The following EIF4EBP1 variants were observed in gnomAD, a reference collection of about 807,000 sequenced individuals.
The protein encoded by EIF4EBP1 is eukaryotic translation initiation factor 4E-binding protein 1.
A neutral mutation model predicts 9.2 loss-of-function variants in EIF4EBP1; 5 were observed. The ratio of observed to expected loss-of-function variants is 0.54; its 90% CI spans 0.28 to 1.14. The LOEUF (loss-of-function observed/expected upper bound fraction) is 1.14. Ranked by LOEUF, EIF4EBP1 falls within the 50% of genes most tolerant of loss-of-function variation. The pLI is 0.09. For missense variants in EIF4EBP1, 139 were observed against 169.6 expected, an observed-to-expected ratio of 0.82 and a Z score of 1.00; for synonymous variants, 62 against 67.0, an observed-to-expected ratio of 0.93 and a Z score of 0.36.
At chr8:38,039,100 C>A (rs1416092225) in intron 1 of EIF4EBP1, among the ~76,000 whole-genome samples, 3 of 151,976 alleles carry the variant, frequency 2.0e-5, no homozygotes, top group African/African-American at 7.2e-5. Context: ...CTATATTGGT[C>A]AGGCTGGTCT....
intron 1 of EIF4EBP1, among the ~76,000 whole-genome samples, chr8:38,037,532 C>G (rs1809321146): frequency 6.6e-6 from 1 of 151,896 alleles, no homozygotes; most frequent in African/African-American, 2.4e-5. Context: ...CCAGGATGGT[C>G]TCAATCTCCT....
chr8:38,056,962 C>T, intron 1 of EIF4EBP1, 119 bp from the exon 2 acceptor site: 1 of 1,071,550 alleles, frequency 9.3e-7, no homozygotes, highest in Non-Finnish European at 1.4e-6. Flanking sequence ...CGCACCCAGC[C>T]TCCTCTGGGT....
At chr8:38,041,294 G>T (rs1287897558) in intron 1 of EIF4EBP1, among the ~76,000 whole-genome samples, 1 of 152,084 alleles carries the variant, frequency 6.6e-6, no homozygotes, top group African/African-American at 2.4e-5. Context: ...TAGAGGCGGG[G>T]GTCTCACCAT....
At chr8:38,032,890 C>T (rs1383493992) in intron 1 of EIF4EBP1, among the ~76,000 whole-genome samples, 1 of 152,024 alleles carries the variant, frequency 6.6e-6, no homozygotes, top group Non-Finnish European at 1.5e-5. Context: ...GCAGAGAAGC[C>T]AAAATGGTCA....
In EIF4EBP1 at chr8:38,057,273, G is replaced by C. The variant is rs772135401; in HGVS notation, c.325+13G>C. ...AAGCGGGCGGGCGGTGAGTGTCGGG[G>C]CTTGGCCAGGCTCTACCTTGGGAAA... On this transcript the variant is annotated intron_variant, in intron 2 of 2. Transcript: ENST00000338825. 5 of 1,479,278 alleles carry C rather than the reference G, an allele frequency of 3.4e-6. No homozygotes were observed. The South Asian group carries it at 5.3e-5, about 16-fold the overall frequency. The allele number at this position is 1,479,278 out of a possible 1,614,324, so 91.6% of individuals were successfully genotyped here. A position where few individuals can be genotyped will look rare whatever the true frequency, so the allele number is the denominator to read the frequency against.
intron 1 of EIF4EBP1, among the ~76,000 whole-genome samples, chr8:38,036,912 A>T (rs1397332199): frequency 7.9e-5 from 12 of 151,724 alleles, no homozygotes; most frequent in Admixed American, 6.6e-5. Flanking sequence ...GACCTCCCAA[A>T]GTTCTGGGAT....
intron 1 of EIF4EBP1, among the ~76,000 whole-genome samples, chr8:38,054,998 C>T (rs1396546513): frequency 6.6e-6 from 1 of 152,114 alleles, no homozygotes; most frequent in Non-Finnish European, 1.5e-5. Flanking sequence ...AACAGCTGTG[C>T]GCTGGAGTCC....
At chr8:38,037,903 A>T (rs1454197095) in intron 1 of EIF4EBP1, among the ~76,000 whole-genome samples, 2 of 151,850 alleles carry the variant, frequency 1.3e-5, no homozygotes, top group Non-Finnish European at 2.9e-5. Context: ...CCTCTCCAGT[A>T]GCTGGGACTA....
intron 1 of EIF4EBP1, among the ~76,000 whole-genome samples, chr8:38,044,394 G>T (rs1809423722): frequency 6.6e-6 from 1 of 152,102 alleles, no homozygotes; most frequent in Non-Finnish European, 1.5e-5. Context: ...AATTTTTCCA[G>T]CTGAGAGTGT....
Position 38,036,316 on chromosome 8 carries a change from T to G in EIF4EBP1, c.145+5598T>G, listed in dbSNP as rs568543541. On this transcript the variant is annotated intron_variant, in intron 1 of 2. Transcript: ENST00000338825. ...CTGAGGTCAGGAGTTCAAGACCAGC[T>G]TGGCCAACATGGTGAAACCCCATCT... Among the ~76,000 whole-genome samples, 45 of 151,804 alleles carry G rather than the reference T, an allele frequency of 3.0e-4. No homozygotes were observed. In the Middle Eastern group the frequency reaches 0.014, roughly 46 times the overall value.
intron 1 of EIF4EBP1, among the ~76,000 whole-genome samples, chr8:38,043,902 C>T (rs1045249047): frequency 1.3e-5 from 2 of 152,054 alleles, no homozygotes; most frequent in Non-Finnish European, 2.9e-5. Context: ...TTAAATAGAC[C>T]ATCCAGCCAG....
At chr8:38,038,831 T>G (rs1809337381) in intron 1 of EIF4EBP1, among the ~76,000 whole-genome samples, 1 of 151,822 alleles carries the variant, frequency 6.6e-6, no homozygotes, top group South Asian at 2.1e-4. Context: ...CCCGAGACCC[T>G]CAGGCCACAT....
At chr8:38,032,634 G>A (rs910881687) in intron 1 of EIF4EBP1, among the ~76,000 whole-genome samples, 2 of 152,222 alleles carry the variant, frequency 1.3e-5, no homozygotes, top group African/African-American at 4.8e-5. Context: ...GCAGTAGGGG[G>A]AGTGGGGAAG....
chr8:38,054,944 G>A (rs927071487), intron 1 of EIF4EBP1, among the ~76,000 whole-genome samples: 6 of 152,108 alleles, frequency 3.9e-5, no homozygotes, highest in African/African-American at 7.2e-5. Context: ...GACTGGGAAC[G>A]GAGCCCAAAT....
chr8:38,052,873 C>T (rs957184696), intron 1 of EIF4EBP1, among the ~76,000 whole-genome samples: 9 of 152,106 alleles, frequency 5.9e-5, no homozygotes, highest in African/African-American at 2.2e-4. Context: ...TTTCTGCATG[C>T]TGCTGTTTAC....
chr8:38,035,083 T>C lies in EIF4EBP1; in HGVS notation c.145+4365T>C, dbSNP rs182266884. Among the ~76,000 whole-genome samples the C allele has an allele frequency of 2.8e-3, 423 of 152,308 alleles. 4 individuals carry two copies. Among genetic ancestry groups the C allele is most frequent in the African/African-American group, 9.4e-3 (389 of 41,574 alleles). ...CAGCCTGAGCAACATAGTGAGACTC[T>C]GTCGGTATAAATTAAATAAATAAAA... is the stretch of plus-strand genomic sequence containing the variant. On this transcript the variant is annotated intron_variant, in intron 1 of 2. Transcript: ENST00000338825.
At chr8:38,036,150 C>T (rs1043795067) in intron 1 of EIF4EBP1, among the ~76,000 whole-genome samples, 2 of 151,934 alleles carry the variant, frequency 1.3e-5, no homozygotes, top group Non-Finnish European at 2.9e-5. Flanking sequence ...GGACCACAAA[C>T]CCGGCTATTT....
At chr8:38,056,188 C>G (rs533882225) in intron 1 of EIF4EBP1, among the ~76,000 whole-genome samples, 1 of 151,994 alleles carries the variant, frequency 6.6e-6, no homozygotes, top group East Asian at 1.9e-4. Context: ...GATGAGGTCT[C>G]TCTAAGTTGT....
At chr8:38,057,838 G>A (rs1032364904) in intron 2 of EIF4EBP1, among the ~76,000 whole-genome samples, 2 of 152,188 alleles carry the variant, frequency 1.3e-5, no homozygotes, top group Non-Finnish European at 2.9e-5. Context: ...CACCTCCCGA[G>A]TAATTAGAGC....
Sources: gnomAD v4.1 joint callset for allele counts (sites outside exome capture counted in the v4.1 genomes callset) on GRCh38, gnomAD v4.1.1 for gene constraint, MANE v1.5 for transcripts, NCBI Gene and HGNC (gene_info 2026-07-23, HGNC 2026-07-21) for gene names.